COX10: variants seen among roughly 807,000 people sequenced by gnomAD.
The protein encoded by COX10 is cytochrome c oxidase assembly factor heme A:farnesyltransferase COX10.
In COX10, 27 loss-of-function variants were observed where a neutral mutation model predicts 37.3. The observed-to-expected ratio is 0.72, with a 90% CI of 0.53 to 1.00. The LOEUF (loss-of-function observed/expected upper bound fraction) is 1.00. COX10 is among the 50% of genes least tolerant of loss of function. The probability of loss-of-function intolerance (pLI) is 0.00; values close to 1 mark genes in which losing one functional copy is unlikely to be tolerated. For missense variants in COX10, 475 were observed against 563.2 expected (o/e 0.84, Z 1.59); for synonymous variants, 222 against 229.1 (o/e 0.97, Z 0.28).
intron 6 of COX10, among the ~76,000 whole-genome samples, chr17:14,199,052 T>C (rs1906450207): frequency 6.6e-6 from 1 of 151,586 alleles, no homozygotes; most frequent in East Asian, 1.9e-4. Context: ...TTTAGAACAC[T>C]ATATTCTCTT....
At position 14,098,116 on chromosome 17, in the gene COX10, A is replaced by G. The variant is rs143614961; in HGVS notation, c.500-4002A>G. On this transcript the variant is annotated intron_variant, in intron 3 of 6. Transcript: ENST00000261643. Reference sequence around the variant, plus strand: ...TGACTCTAGATTTTACTAACTGTTTATCGAGAATGTTATAGTAGATTTTCT... The same window carrying G: ...TGACTCTAGATTTTACTAACTGTTTGTCGAGAATGTTATAGTAGATTTTCT... Among the ~76,000 whole-genome samples, 376 of 152,296 alleles carry G rather than the reference A, an allele frequency of 2.5e-3. 5 individuals carry two copies. Among genetic ancestry groups the G allele is most frequent in the Middle Eastern group, 0.01 (3 of 294 alleles).
At chr17:14,133,018 G>A (rs568620675) in intron 4 of COX10, among the ~76,000 whole-genome samples, 1 of 151,734 alleles carries the variant, frequency 6.6e-6, no homozygotes, top group South Asian at 2.1e-4. Context: ...TAACTTAAAA[G>A]CTTGTAACAT....
chr17:14,080,028 T>TA (rs1457224888), intron 3 of COX10, among the ~76,000 whole-genome samples: 2 of 152,130 alleles, frequency 1.3e-5, no homozygotes, highest in Non-Finnish European at 2.9e-5. Flanking sequence ...CCAGATTTTT[T>TA]ACTATTAAAA....
At chr17:14,163,578 T>G (rs1905215618) in intron 5 of COX10, among the ~76,000 whole-genome samples, 1 of 152,122 alleles carries the variant, frequency 6.6e-6, no homozygotes, top group Non-Finnish European at 1.5e-5. Context: ...TAAGGAATGC[T>G]CATGTCAGTT....
intron 5 of COX10, among the ~76,000 whole-genome samples, chr17:14,191,107 GAATA>G (rs1906187095): frequency 1.3e-5 from 2 of 152,016 alleles, no homozygotes; most frequent in South Asian, 4.2e-4. Context: ...TCTCAAGAAA[GAATA>G]AATAAACATG....
intron 3 of COX10, among the ~76,000 whole-genome samples, chr17:14,086,561 AT>A (rs1169128995): frequency 2.0e-5 from 3 of 152,114 alleles, no homozygotes; most frequent in Admixed American, 1.3e-4. Flanking sequence ...CTTGAGTTCT[AT>A]AGTTTTACTT....
chr17:14,143,144 G>A (rs1288094779), intron 4 of COX10, among the ~76,000 whole-genome samples: 4 of 152,126 alleles, frequency 2.6e-5, no homozygotes, highest in African/African-American at 7.2e-5. Context: ...ATTAACAACT[G>A]TCTTATAGAT....
intron 4 of COX10, among the ~76,000 whole-genome samples, chr17:14,140,861 C>G (rs1283581517): frequency 6.6e-6 from 1 of 151,988 alleles, no homozygotes; most frequent in South Asian, 2.1e-4. Flanking sequence ...TGGTAATCTT[C>G]TTTTAAAAAA....
rs111541535 is a variant in COX10, at chr17:14,206,977, G to A, written c.1096G>A (p.Val366Met). 61 of 1,614,022 alleles carry A rather than the reference G, an allele frequency of 3.8e-5. No homozygotes were observed. Among genetic ancestry groups the A allele is most frequent in the East Asian group, 3.6e-4 (16 of 44,850 alleles). ...GCTGCGCCACTGCCTGGCCCTGCTCGTGCTGTCCGCAGCAGCCCCTGTGCT... is the reference window on the plus strand; with the variant it reads ...GCTGCGCCACTGCCTGGCCCTGCTCATGCTGTCCGCAGCAGCCCCTGTGCT... ...VALRHCLALL[V>M]LSAAAPVLDI... Residue 366 changes from valine (V) to methionine (M), a missense_variant, in exon 7 of 7, where the codon GTG becomes ATG. Transcript: ENST00000261643.
intron 4 of COX10, among the ~76,000 whole-genome samples, chr17:14,141,216 T>C (rs947436594): frequency 3.7e-4 from 57 of 152,046 alleles, no homozygotes; most frequent in Non-Finnish European, 1.5e-5. Flanking sequence ...CAGTGTGACT[T>C]TCCTTATTTG....
chr17:14,102,834 C>T (rs534960711), intron 4 of COX10, among the ~76,000 whole-genome samples: 8 of 152,040 alleles, frequency 5.3e-5, no homozygotes, highest in African/African-American at 1.4e-4. Flanking sequence ...TCTGCCTTAA[C>T]GTTGTGGCTT....
At chr17:14,092,162 A>G (rs1915542510) in intron 3 of COX10, among the ~76,000 whole-genome samples, 1 of 152,188 alleles carries the variant, frequency 6.6e-6, no homozygotes, top group Non-Finnish European at 1.5e-5. Flanking sequence ...ACTCAGTGTT[A>G]CAAAATTAGC....
chr17:14,069,597 T>C lies in COX10; in HGVS notation c.-9T>C. 1.2e-6 allele frequency: 2 copies of C among 1,613,936 alleles called. No homozygotes were observed. The highest frequency in any genetic ancestry group is 1.7e-6 in the Non-Finnish European group (2 of 1,179,976). Reference sequence around the variant, plus strand: ...GGGATCCCGGGGAGCGGCCCCAGACTCGTAAATTATGGCCGCATCTCCGCA... The same window carrying C: ...GGGATCCCGGGGAGCGGCCCCAGACCCGTAAATTATGGCCGCATCTCCGCA... On this transcript the variant is annotated 5_prime_UTR_variant, in exon 1 of 7. Coordinates refer to ENST00000261643, the MANE Select transcript of COX10 (RefSeq NM_001303.4).
intron 6 of COX10, among the ~76,000 whole-genome samples, chr17:14,202,093 T>TCTC (rs1555542081): frequency 6.3e-5 from 5 of 79,490 alleles, no homozygotes; most frequent in Admixed American, 2.5e-4. Context: ...GATCTCTCTC[T>TCTC]TTTTTTTTTT....
chr17:14,113,892 A>G (rs1916056447), intron 4 of COX10, among the ~76,000 whole-genome samples: 2 of 152,174 alleles, frequency 1.3e-5, no homozygotes, highest in African/African-American at 4.8e-5. Context: ...ACCTTCAAAG[A>G]CAATAAAAAT....
intron 4 of COX10, among the ~76,000 whole-genome samples, chr17:14,131,449 G>C (rs1916464463): frequency 6.6e-6 from 1 of 151,790 alleles, no homozygotes; most frequent in African/African-American, 2.4e-5. Flanking sequence ...CAGTACTCTA[G>C]CTTATTTTTT....
chr17:14,112,595 T>C (rs1474792004), intron 4 of COX10, among the ~76,000 whole-genome samples: 1 of 152,186 alleles, frequency 6.6e-6, no homozygotes, highest in Non-Finnish European at 1.5e-5. Flanking sequence ...TTATTGGCTC[T>C]GTAACAGAAT....
At chr17:14,204,724 C>A (rs1454969787) in intron 6 of COX10, among the ~76,000 whole-genome samples, 1 of 152,086 alleles carries the variant, frequency 6.6e-6, no homozygotes, top group Non-Finnish European at 1.5e-5. Context: ...CACACACTCA[C>A]ACAGAGGTAC....
At chr17:14,125,772 T>C (rs1328878638) in intron 4 of COX10, among the ~76,000 whole-genome samples, 2 of 152,158 alleles carry the variant, frequency 1.3e-5, no homozygotes, top group Non-Finnish European at 2.9e-5. Context: ...TTAAGCACAG[T>C]GTCTGAACTC....
Sources: gnomAD v4.1 joint callset for allele counts (sites outside exome capture counted in the v4.1 genomes callset) on GRCh38, gnomAD v4.1.1 for gene constraint, MANE v1.5 for transcripts, NCBI Gene and HGNC (gene_info 2026-07-23, HGNC 2026-07-21) for gene names.